ARHGAP17: variants seen among roughly 807,000 people sequenced by gnomAD.
The protein encoded by ARHGAP17 is rho GTPase-activating protein 17.
In ARHGAP17, 57 loss-of-function variants were observed where a neutral mutation model predicts 99.5. The ratio of observed to expected loss-of-function variants is 0.57; its 90% CI spans 0.46 to 0.71. ARHGAP17 has a LOEUF of 0.71. Among genes scored for constraint, ARHGAP17 ranks in the 30% least tolerant of loss-of-function variants. The probability of loss-of-function intolerance (pLI) is 0.00; values close to 1 mark genes in which losing one functional copy is unlikely to be tolerated. For missense variants in ARHGAP17, 1,000 were observed against 1,122.4 expected (o/e 0.89, Z 1.56); for synonymous variants, 417 against 429.6 (o/e 0.97, Z 0.36).
chr16:24,966,084 A>G (rs1372324934), intron 6 of ARHGAP17, among the ~76,000 whole-genome samples: 1 of 152,250 alleles, frequency 6.6e-6, no homozygotes, highest in Non-Finnish European at 1.5e-5. Flanking sequence ...ATAATGCTCA[A>G]CCAACTCTAG....
rs550128848 is a variant in ARHGAP17, at chr16:24,958,286, TC to T, written c.724+1384del. ...GAAAAAAAATCCAATCTCTCGTTTT[TC>T]CTCTTGTTAATCAACTCTTTCAAAT... On this transcript the variant is annotated intron_variant, in intron 9 of 19. Coordinates refer to ENST00000289968, the MANE Select transcript of ARHGAP17 (RefSeq NM_001006634.3). 4.7e-3 allele frequency among the ~76,000 whole-genome samples: 723 copies of T among 152,346 alleles called. 6 individuals carry two copies. The highest frequency in any genetic ancestry group is 0.017 in the African/African-American group (693 of 41,580).
intron 1 of ARHGAP17, among the ~76,000 whole-genome samples, chr16:24,979,780 A>G (rs2052619446): frequency 6.6e-6 from 1 of 151,984 alleles, no homozygotes; most frequent in African/African-American, 2.4e-5. Context: ...GTGTGATCTC[A>G]GCTCACTGCA....
intron 7 of ARHGAP17, among the ~76,000 whole-genome samples, chr16:24,962,181 G>T (rs967794863): frequency 6.6e-6 from 1 of 151,850 alleles, no homozygotes; most frequent in Non-Finnish European, 1.5e-5. Flanking sequence ...AGAAGAAAAA[G>T]AAGCAGAAAG....
In ARHGAP17 at chr16:24,935,599, C is replaced by T; in HGVS notation, c.1765G>A (p.Ala589Thr). 6.2e-7 allele frequency: 1 copy of T among 1,614,106 alleles called. No homozygotes were observed. The highest frequency in any genetic ancestry group is 8.5e-7 in the Non-Finnish European group (1 of 1,180,030). ...PKDPVSAAVPAPGRNNSQIAS... is the reference protein window; with the variant it reads ...PKDPVSAAVPTPGRNNSQIAS... ...ATCTGACTGTTGTTTCTCCCTGGTGCTGGCACAGCTGCAGATACAGGGTCC... is the reference window on the plus strand; with the variant it reads ...ATCTGACTGTTGTTTCTCCCTGGTGTTGGCACAGCTGCAGATACAGGGTCC... Residue 589 changes from alanine to threonine, a missense_variant, in exon 18 of 20, where the codon GCA (alanine) becomes ACA (threonine). Physicochemically the swap from Ala to Thr is moderately conservative, Grantham distance 58. This residue lies in a region of ARHGAP17 where 528 missense variants were observed against 511.4 expected (regional missense o/e 1.03). Coordinates refer to ENST00000289968, the MANE Select transcript of ARHGAP17 (RefSeq NM_001006634.3).
In ARHGAP17 at chr16:24,920,228, T is replaced by C. The variant is rs774933241; in HGVS notation, c.2548A>G (p.Ser850Gly). The C allele has an allele frequency of 6.2e-7, 1 of 1,613,922 alleles. No individual in the cohort carries two copies. The highest frequency in any genetic ancestry group is 1.3e-5 in the African/African-American group (1 of 74,894). ...TCTGAGTGCATTTCAGGAAAGATGC[T>C]GCGATGCGGTTCTGAAACCCTGGAA... The part of the protein sequence containing the change: ...SNSRVSEPHR[S>G]IFPEMHSDSA... Residue 850 changes from serine to glycine, a missense_variant, in exon 20 of 20, where the codon AGC (serine) becomes GGC (glycine). Transcript: ENST00000289968.
chr16:24,959,487 T>C (rs2051916978), intron 9 of ARHGAP17, among the ~76,000 whole-genome samples, 184 bp downstream of exon 9: 1 of 152,154 alleles, frequency 6.6e-6, no homozygotes, highest in Non-Finnish European at 1.5e-5. Flanking sequence ...AGTGTGTTAA[T>C]TTGGGTTTGG....
At chr16:24,983,450 C>T (rs533597513) in intron 1 of ARHGAP17, among the ~76,000 whole-genome samples, 46 of 151,896 alleles carry the variant, frequency 3.0e-4, no homozygotes, top group African/African-American at 9.4e-4. Context: ...GAGAGATGCG[C>T]ACCATCATGC....
intron 3 of ARHGAP17, among the ~76,000 whole-genome samples, chr16:24,974,552 G>A (rs2052461219): frequency 1.3e-5 from 2 of 152,264 alleles, no homozygotes; most frequent in South Asian, 2.1e-4. Context: ...CCCCAGGGGT[G>A]TAATTCTGGT....
intron 1 of ARHGAP17, among the ~76,000 whole-genome samples, chr16:24,988,804 C>T (rs1200974698): frequency 6.6e-6 from 1 of 152,154 alleles, no homozygotes; most frequent in Admixed American, 6.5e-5. Context: ...TTGCTTATAG[C>T]AAAATCTGAA....
At chr16:24,927,218 C>T (rs2050866167) in intron 19 of ARHGAP17, among the ~76,000 whole-genome samples, 1 of 152,186 alleles carries the variant, frequency 6.6e-6, no homozygotes, top group South Asian at 2.1e-4. Context: ...TTGCAGTGAG[C>T]CGAGATTGCG....
chr16:24,934,638 G>A (rs2051085748), intron 18 of ARHGAP17, among the ~76,000 whole-genome samples: 1 of 151,750 alleles, frequency 6.6e-6, no homozygotes, highest in African/African-American at 2.4e-5. Flanking sequence ...AATTTTTTTT[G>A]TAGAGGTGGG....
intron 1 of ARHGAP17, among the ~76,000 whole-genome samples, chr16:25,012,519 C>T (rs2053669097): frequency 6.6e-6 from 1 of 152,154 alleles, no homozygotes; most frequent in African/African-American, 2.4e-5. Context: ...ACAAAAAAAC[C>T]CTTTGCTTTG....
chr16:24,966,089 C>T (rs1460245285), intron 6 of ARHGAP17, among the ~76,000 whole-genome samples: 2 of 152,240 alleles, frequency 1.3e-5, no homozygotes, highest in African/African-American at 2.4e-5. Context: ...GCTCAACCAA[C>T]TCTAGTGAGG....
At chr16:25,009,968 T>G (rs1326046539) in intron 1 of ARHGAP17, among the ~76,000 whole-genome samples, 1 of 152,186 alleles carries the variant, frequency 6.6e-6, no homozygotes, top group Non-Finnish European at 1.5e-5. Flanking sequence ...GCCCAGTTCC[T>G]GTACTCAAAA....
intron 1 of ARHGAP17, among the ~76,000 whole-genome samples, chr16:24,979,704 TTTATTA>T (rs532237734): frequency 8.0e-5 from 12 of 150,508 alleles, no homozygotes; most frequent in Non-Finnish European, 1.2e-4. Context: ...TAATTTTTAT[TTTATTA>T]TTATTATTAT....
chr16:24,997,564 T>G (rs1012117348), intron 1 of ARHGAP17, among the ~76,000 whole-genome samples: 1 of 152,022 alleles, frequency 6.6e-6, no homozygotes, highest in Non-Finnish European at 1.5e-5. Context: ...TGGAGGAGAA[T>G]CTGAAGAGTC....
At chr16:25,007,776 T>C (rs1418962739) in intron 1 of ARHGAP17, among the ~76,000 whole-genome samples, 1 of 152,234 alleles carries the variant, frequency 6.6e-6, no homozygotes, top group Non-Finnish European at 1.5e-5. Flanking sequence ...CAGTGGGTTT[T>C]TTTCTTTTTA....
At chr16:25,013,931 C>T (rs1422224416) in intron 1 of ARHGAP17, 1 of 152,170 alleles carries the variant, frequency 6.6e-6, no homozygotes, top group African/African-American at 2.4e-5. Flanking sequence ...GTCTACCTTC[C>T]TCTCAGCATT....
At position 24,955,801 on chromosome 16, in the gene ARHGAP17, A is replaced by G. The variant is rs1230247334; in HGVS notation, c.725-1071T>C. 2.6e-5 allele frequency: 4 copies of G among 152,266 alleles called. No individual in the cohort carries two copies. In the East Asian group the frequency reaches 7.7e-4, roughly 29 times the overall value. The allele number at this position is 152,266 out of a possible 1,614,324, so 9.4% of individuals were successfully genotyped here. Reference sequence around the variant, plus strand: ...GGGTAGATTTGCACATGGGGAAGGAAGAAAAATAAAATCCCACAAATCCAT... The same window carrying G: ...GGGTAGATTTGCACATGGGGAAGGAGGAAAAATAAAATCCCACAAATCCAT... On this transcript the variant is annotated intron_variant, in intron 9 of 19. Transcript: ENST00000289968. The surrounding 1 kb of genome is among the most constrained non-coding windows in gnomAD (Gnocchi z 4.0).
Sources: allele counts gnomAD v4.1 joint callset (sites outside exome capture counted in the v4.1 genomes callset), GRCh38; gene constraint gnomAD v4.1.1; regional missense constraint gnomAD v4.1.1; non-coding constraint Gnocchi (gnomAD v3.1); transcripts MANE v1.5; gene names NCBI Gene and HGNC (gene_info 2026-07-23, HGNC 2026-07-21).